Variants in STARD13 observed in about 807,000 individuals in gnomAD.
The protein encoded by STARD13 is stAR-related lipid transfer protein 13.
In STARD13, 62 loss-of-function variants were observed where a neutral mutation model predicts 106.4. That is an observed-to-expected ratio of 0.58 (90% CI 0.48 to 0.72). STARD13 has a LOEUF of 0.72. STARD13 is among the 30% of genes least tolerant of loss of function. The pLI is 0.00. For missense variants in STARD13, 1,387 were observed against 1,424.0 expected, an observed-to-expected ratio of 0.97 and a Z score of 0.42; for synonymous variants, 565 against 553.0, an observed-to-expected ratio of 1.02 and a Z score of -0.31.
chr13:33,653,954 A>G, the STARD13 span, among the ~76,000 whole-genome samples: 3 of 152,230 alleles, frequency 2.0e-5, no homozygotes, highest in African/African-American at 4.8e-5. Context: ...ATCATTAAGG[A>G]CATGCAAATC....
chr13:33,587,322 T>C, the STARD13 span, among the ~76,000 whole-genome samples: 1 of 152,186 alleles, frequency 6.6e-6, no homozygotes, highest in African/African-American at 2.4e-5. Context: ...AGTGGAATTA[T>C]GTAAAGCCCC....
chr13:33,236,601 G>C (rs1427307915), intron 1 of STARD13, among the ~76,000 whole-genome samples: 1 of 152,198 alleles, frequency 6.6e-6, no homozygotes, highest in Non-Finnish European at 1.5e-5. Flanking sequence ...GTGGTCTAAT[G>C]CTGAGCATAA....
intron 1 of STARD13, among the ~76,000 whole-genome samples, chr13:33,220,282 C>T (rs924112081): frequency 6.6e-6 from 1 of 152,162 alleles, no homozygotes; most frequent in African/African-American, 2.4e-5. Context: ...ACACATTGAT[C>T]TGAAATTCAT....
intron 3 of STARD13, among the ~76,000 whole-genome samples, chr13:33,156,940 T>C (rs1882053047): frequency 6.6e-6 from 1 of 152,150 alleles, no homozygotes; most frequent in Non-Finnish European, 1.5e-5. Context: ...GCCCAAGAAA[T>C]CAGTTAATTG....
In STARD13 at chr13:33,110,826, T is replaced by A; in HGVS notation, c.2689A>T (p.Thr897Ser). 6.2e-7 allele frequency: 1 copy of A among 1,614,150 alleles called. No homozygotes were observed. Among genetic ancestry groups the A allele is most frequent in the Non-Finnish European group, 8.5e-7 (1 of 1,180,046 alleles). ...IHVPTLEELG[T>S]QLEESGATFH... The stretch of plus-strand genomic sequence containing the variant: ...GTTGCCCCACTCTCCTCCAGCTGTG[T>A]CCCCAATTCTTCCAGGGTTGGCACG... The change falls in exon 11 of 14, where the codon ACA becomes TCA. Residue 897 changes from threonine to serine, a missense_variant. By Grantham distance (58) the Thr-to-Ser change is moderately conservative. Coordinates refer to ENST00000336934, the MANE Select transcript of STARD13 (RefSeq NM_178006.4).
Position 33,106,935 on chromosome 13 carries a change from C to T in STARD13, c.3048-1G>A. ...TTTGGGCAAATCAGTTTTCCAGGTC[C>T]TGTAGCAAAACAATCCGCACATCAG... is the stretch of plus-strand genomic sequence containing the variant. On this transcript the variant is annotated splice_acceptor_variant, in intron 12 of 13. Coordinates refer to ENST00000336934, the MANE Select transcript of STARD13 (RefSeq NM_178006.4). LOFTEE classifies it high-confidence loss of function. 6.2e-7 allele frequency: 1 copy of T among 1,610,956 alleles called. No homozygotes were observed. The highest frequency in any genetic ancestry group is 2.2e-5 in the East Asian group (1 of 44,798).
chr13:33,200,867 A>G (rs920190255), intron 1 of STARD13, among the ~76,000 whole-genome samples: 1 of 151,824 alleles, frequency 6.6e-6, no homozygotes, highest in Non-Finnish European at 1.5e-5. Flanking sequence ...AAAAAAAAAA[A>G]TACAAAAAAT....
intron 1 of STARD13, among the ~76,000 whole-genome samples, chr13:33,296,010 C>T (rs1892476761): frequency 6.6e-6 from 1 of 151,430 alleles, no homozygotes. Context: ...TCAGGTAGGT[C>T]AGGAGTTCAA....
intron 3 of STARD13, among the ~76,000 whole-genome samples, chr13:33,150,242 A>T (rs1430066935): frequency 6.6e-6 from 1 of 152,222 alleles, no homozygotes; most frequent in Non-Finnish European, 1.5e-5. Context: ...AGGATAGCAG[A>T]ATTATTCTCC....
intron 1 of STARD13, among the ~76,000 whole-genome samples, chr13:33,172,138 C>T (rs373998138): frequency 6.6e-6 from 1 of 152,202 alleles, no homozygotes; most frequent in East Asian, 1.9e-4. Flanking sequence ...TATATGTTAT[C>T]TGTCAAAACA....
Position 33,157,155 on chromosome 13 carries a change from A to G in STARD13, c.323+8182T>C, listed in dbSNP as rs184123071. On this transcript the variant is annotated intron_variant, in intron 3 of 13. Transcript: ENST00000336934. Reference sequence around the variant, plus strand: ...TAAATTGTAGATACCATTTTTGTCAACACTACCTTCCAATCCCCACCCCTG... The same window carrying G: ...TAAATTGTAGATACCATTTTTGTCAGCACTACCTTCCAATCCCCACCCCTG... Among the ~76,000 whole-genome samples the G allele has an allele frequency of 2.2e-3, 337 of 152,194 alleles. 2 individuals carry two copies. Among genetic ancestry groups the G allele is most frequent in the African/African-American group, 6.5e-3 (272 of 41,532 alleles).
At position 33,350,385 on chromosome 13, in the gene STARD13, G is replaced by A. The variant is rs754570945; in HGVS notation, c.29C>T (p.Thr10Met). The change falls in exon 1 of 2, where the codon ACG becomes ATG. Residue 10 changes from threonine to methionine, a missense_variant. Transcript: ENST00000439831. ...CTCACTGATGGATCTCCTGAGCTGC[G>A]TTTGGCAAGGTTTCCGTTTGCTGGT... 2.4e-5 allele frequency: 37 copies of A among 1,533,504 alleles called. 1 individual carries two copies. In the South Asian group the frequency reaches 3.6e-4, roughly 15 times the overall value. The allele number at this position is 1,533,504 out of a possible 1,614,324, so 95.0% of individuals were successfully genotyped here.
chr13:33,600,497 CCATTTGTATGT>C, the STARD13 span, among the ~76,000 whole-genome samples: 118 of 152,172 alleles, frequency 7.8e-4, 1 homozygote, highest in Admixed American at 7.7e-3. Flanking sequence ...TGTTTTAGAT[CCATTTGTATGT>C]ACACACAGAA....
At chr13:33,533,881 C>T in the STARD13 span, among the ~76,000 whole-genome samples, 2 of 152,222 alleles carry the variant, frequency 1.3e-5, no homozygotes, top group African/African-American at 4.8e-5. Context: ...TCTGCTCTCA[C>T]AGCACACATC....
At chr13:33,359,114 C>T in the STARD13 span, among the ~76,000 whole-genome samples, 13 of 152,172 alleles carry the variant, frequency 8.5e-5, no homozygotes, top group African/African-American at 2.9e-4. Flanking sequence ...CATTGGCAAC[C>T]CGCTCAGGTT....
the STARD13 span, among the ~76,000 whole-genome samples, chr13:33,420,448 A>G: frequency 6.6e-6 from 1 of 152,248 alleles, no homozygotes; most frequent in Non-Finnish European, 1.5e-5. Flanking sequence ...ACCTGGATTT[A>G]TAAAGCAAGT....
the STARD13 span, among the ~76,000 whole-genome samples, chr13:33,392,584 G>A: frequency 6.6e-6 from 1 of 152,098 alleles, no homozygotes; most frequent in Non-Finnish European, 1.5e-5. Flanking sequence ...TCTTTTAGTA[G>A]AAAAGGGGTT....
the STARD13 span, among the ~76,000 whole-genome samples, chr13:33,584,720 G>T: frequency 1.3e-5 from 2 of 152,068 alleles, no homozygotes; most frequent in Non-Finnish European, 2.9e-5. Flanking sequence ...CCTTAAGACT[G>T]TCCCTGTTCC....
the STARD13 span, among the ~76,000 whole-genome samples, chr13:33,603,329 T>C: frequency 6.6e-6 from 1 of 152,302 alleles, no homozygotes; most frequent in South Asian, 2.1e-4. Context: ...GCAATACTCG[T>C]TGTCTCAGGC....
Sources: allele counts gnomAD v4.1 joint callset (sites outside exome capture counted in the v4.1 genomes callset), GRCh38; gene constraint gnomAD v4.1.1; transcripts MANE v1.5; gene names NCBI Gene and HGNC (gene_info 2026-07-23, HGNC 2026-07-21).